MYEF2: variants seen among roughly 807,000 people sequenced by gnomAD.
MYEF2 encodes myelin expression factor 2.
MYEF2 carries 37 observed loss-of-function variants against 75.2 expected under a neutral mutation model. That is an observed-to-expected ratio of 0.49 (90% CI 0.38 to 0.65). MYEF2 has a LOEUF of 0.65. Ranked by LOEUF, MYEF2 falls within the 30% of genes least tolerant of loss-of-function variation. MYEF2 has a pLI of 0.00. For synonymous variants in MYEF2, 195 were observed against 241.6 expected (o/e 0.81, Z 1.79); for missense variants, 634 against 771.4 (o/e 0.82, Z 2.11).
chr15:48,143,342 G>A (rs1258033748), intron 16 of MYEF2, among the ~76,000 whole-genome samples: 1 of 151,958 alleles, frequency 6.6e-6, no homozygotes, highest in Non-Finnish European at 1.5e-5. Flanking sequence ...TAATTCCTGA[G>A]GTTAATTTTA....
intron 9 of MYEF2, among the ~76,000 whole-genome samples, chr15:48,155,172 AC>A (rs1163288095): frequency 6.6e-6 from 1 of 152,070 alleles, no homozygotes; most frequent in East Asian, 1.9e-4. Context: ...CAGCAATAAC[AC>A]CCTTTATAAG....
At chr15:48,165,063 C>T (rs2040086898) in intron 5 of MYEF2, among the ~76,000 whole-genome samples, 1 of 152,078 alleles carries the variant, frequency 6.6e-6, no homozygotes, top group Admixed American at 6.6e-5. Context: ...CATGTCTAGA[C>T]ACCCACTAGA....
In MYEF2 at chr15:48,140,913, C is replaced by T. The variant is rs1771767076; in HGVS notation, c.*1995G>A. The T allele has an allele frequency of 2.2e-6, 1 of 455,174 alleles. No homozygotes were observed. The highest frequency in any genetic ancestry group is 2.0e-5 in the African/African-American group (1 of 50,272). 28.2% of individuals were successfully genotyped at this position (455,174 alleles called of 1,614,324 possible). A position where few individuals can be genotyped will look rare whatever the true frequency, so the allele number is the denominator to read the frequency against. On this transcript the variant is annotated 3_prime_UTR_variant, in exon 17 of 17. Transcript: ENST00000324324. ...TATCTTTAGATATGTCATTAAAAAT[C>T]TGTGCTACCTGGGTTACCCGAATTA...
rs2038980522 is a variant in MYEF2 at position 48,139,199 on chromosome 15, A to G, written c.*3709T>C. ...TGGTATGTATTTTAAGTACAATAGC[A>G]CAACTTGAAAATATTCATATAAGAA... On this transcript the variant is annotated 3_prime_UTR_variant, in exon 17 of 17. Coordinates refer to ENST00000324324, the MANE Select transcript of MYEF2 (RefSeq NM_016132.5). 1 of 1,562,262 alleles carries G rather than the reference A, an allele frequency of 6.4e-7. No homozygotes were observed. Among genetic ancestry groups the G allele is most frequent in the South Asian group, 1.1e-5 (1 of 89,202 alleles).
At position 48,151,094 on chromosome 15, in the gene MYEF2, A is replaced by G; in HGVS notation, c.1378+6T>C. 1 of 1,590,118 alleles carries G rather than the reference A, an allele frequency of 6.3e-7. No individual in the cohort carries two copies. Among genetic ancestry groups the G allele is most frequent in the Non-Finnish European group, 8.6e-7 (1 of 1,167,096 alleles). ...CTGAATAAATTCTAGTAAAATTTAA[A>G]CCTACTTATTCCAGATCCTACTGGA... On this transcript the variant is annotated splice_donor_region_variant and intron_variant, in intron 14 of 16. Coordinates refer to ENST00000324324, the MANE Select transcript of MYEF2 (RefSeq NM_016132.5).
chr15:48,176,219 TAAAAAAAAAAA>T (rs1023560411), intron 1 of MYEF2, among the ~76,000 whole-genome samples: 66 of 63,142 alleles, frequency 1.0e-3, no homozygotes, highest in African/African-American at 3.3e-3. Context: ...GTTCACGAAG[TAAAAAAAAAAA>T]AAAAAAAAAA....
rs1426326872 is a variant in MYEF2, at chr15:48,136,248, A to G, written c.*6660T>C. 6.6e-6 allele frequency: 1 copy of G among 152,484 alleles called. No individual in the cohort carries two copies. Among genetic ancestry groups the G allele is most frequent in the African/African-American group, 2.4e-5 (1 of 41,454 alleles). 9.4% of individuals were successfully genotyped at this position (152,484 alleles called of 1,614,324 possible). Reference sequence around the variant, plus strand: ...AGTTCCTATACCAGAAAACTTGGACAGTTGAAATAACTTAACAGTTACTAT... The same window carrying G: ...AGTTCCTATACCAGAAAACTTGGACGGTTGAAATAACTTAACAGTTACTAT... On this transcript the variant is annotated 3_prime_UTR_variant, in exon 17 of 17. Transcript: ENST00000324324.
At chr15:48,176,844 A>G (rs2040543931) in intron 1 of MYEF2, among the ~76,000 whole-genome samples, 1 of 152,178 alleles carries the variant, frequency 6.6e-6, no homozygotes, top group South Asian at 2.1e-4. Context: ...TTCATCCAGG[A>G]ATAAACTCCA....
intron 1 of MYEF2, among the ~76,000 whole-genome samples, chr15:48,177,383 A>G (rs567670475): frequency 1.3e-5 from 2 of 151,812 alleles, no homozygotes; most frequent in East Asian, 3.9e-4. Context: ...TAAGATAATC[A>G]TACACTGAGT....
chr15:48,151,296 C>G, intron 13 of MYEF2, 125 bp from the exon 14 acceptor site: 2 of 1,042,292 alleles, frequency 1.9e-6, no homozygotes, highest in East Asian at 4.9e-5. Context: ...AAATAGAGTT[C>G]AAATATGTAA....
chr15:48,151,535 C>A lies in MYEF2; in HGVS notation c.1244G>T (p.Arg415Leu). Residue 415 changes from arginine (R) to leucine (L), a missense_variant, in exon 13 of 17, where the codon CGA (arginine) becomes CTA (leucine). Transcript: ENST00000324324. ...TCCAATATCACCACGTCCAAAATCT[C>A]GCTCCATGCTACTAGTCATCGCACC... is the stretch of plus-strand genomic sequence containing the variant. ...YRGAMTSSMERDFGRGDIGIN... is the reference protein window; with the variant it reads ...YRGAMTSSMELDFGRGDIGIN... 1 of 1,612,878 alleles carries A rather than the reference C, an allele frequency of 6.2e-7. No homozygotes were observed. The highest frequency in any genetic ancestry group is 8.5e-7 in the Non-Finnish European group (1 of 1,179,242).
At chr15:48,146,823 A>G (rs2140813561) in intron 16 of MYEF2, among the ~76,000 whole-genome samples, 1 of 152,046 alleles carries the variant, frequency 6.6e-6, no homozygotes, top group East Asian at 1.9e-4. Context: ...TAAATAAGTG[A>G]CATGGCAGAA....
rs1414335672 is a variant in MYEF2, at chr15:48,139,281, A to C, written c.*3627T>G. The C allele has an allele frequency of 1.5e-5, 13 of 847,646 alleles. No homozygotes were observed. Among genetic ancestry groups the C allele is most frequent in the Non-Finnish European group, 2.4e-5 (13 of 536,638 alleles). 52.5% of individuals were successfully genotyped at this position (847,646 alleles called of 1,614,324 possible). ...GCTACACAGCAAATTTCTTTTCAGC[A>C]AGATTGAAGATTAGTACCATTTACA... is the stretch of plus-strand genomic sequence containing the variant. On this transcript the variant is annotated 3_prime_UTR_variant, in exon 17 of 17. Coordinates refer to ENST00000324324, the MANE Select transcript of MYEF2 (RefSeq NM_016132.5).
intron 1 of MYEF2, among the ~76,000 whole-genome samples, chr15:48,171,925 C>T (rs1293404239): frequency 2.0e-5 from 3 of 152,008 alleles, no homozygotes; most frequent in South Asian, 2.1e-4. Context: ...TTGAACTATG[C>T]GTATCTAAAT....
chr15:48,177,054 C>T (rs949154637), intron 1 of MYEF2, among the ~76,000 whole-genome samples: 3 of 152,204 alleles, frequency 2.0e-5, no homozygotes, highest in Admixed American at 1.3e-4. Flanking sequence ...AAAGACCTTT[C>T]CCTTGTCTAT....
In MYEF2 at chr15:48,139,025, T is replaced by C. The variant is rs758500889; in HGVS notation, c.*3883A>G. ...AGACTTAAAAAGAATTTTTTGGGTA[T>C]TATCCCTTCCTATTATTACATTACT... On this transcript the variant is annotated 3_prime_UTR_variant, in exon 17 of 17. Transcript: ENST00000324324. 8.7e-6 allele frequency: 14 copies of C among 1,613,156 alleles called. No homozygotes were observed. The highest frequency in any genetic ancestry group is 1.7e-4 in the Middle Eastern group (1 of 6,054).
chr15:48,134,968 G>A lies in MYEF2; in HGVS notation c.*7940C>T, dbSNP rs2038860783. On this transcript the variant is annotated 3_prime_UTR_variant, in exon 17 of 17. Coordinates refer to ENST00000324324, the MANE Select transcript of MYEF2 (RefSeq NM_016132.5). The stretch of plus-strand genomic sequence containing the variant: ...AGCAGCAGTTCTTGGTATAATATAT[G>A]ACAACCAAGTTTACTGGTAAGCTTG... 3 of 1,608,402 alleles carry A rather than the reference G, an allele frequency of 1.9e-6. No individual in the cohort carries two copies. The highest frequency in any genetic ancestry group is 2.6e-6 in the Non-Finnish European group (3 of 1,175,782).
intron 1 of MYEF2, 108 bp from the exon 2 acceptor site, chr15:48,168,947 A>G: frequency 1.2e-6 from 1 of 834,718 alleles, no homozygotes; most frequent in Non-Finnish European, 1.8e-6. Flanking sequence ...AAAACTCTCC[A>G]CTAAGCTAGA....
Position 48,149,206 on chromosome 15 carries a change from C to G in MYEF2, c.1544G>C (p.Arg515Thr). The change falls in exon 15 of 17, where the codon AGA (arginine) becomes ACA (threonine). Residue 515 changes from arginine (R) to threonine (T), a missense_variant. Physicochemically the swap from Arg to Thr is moderately conservative, Grantham distance 71 (BLOSUM62 -1). Transcript: ENST00000324324. The surrounding 1 kb of genome is among the most constrained non-coding windows in gnomAD (Gnocchi z 4.0). ...FLSGPMGSGMRERIGSKGNQI... is the reference protein window; with the variant it reads ...FLSGPMGSGMTERIGSKGNQI... ...GTTGCCTTTGGAGCCTATTCTCTCT[C>G]TCATTCCGCTTCCCATTGGACCCGA... 1 of 1,613,428 alleles carries G rather than the reference C, an allele frequency of 6.2e-7. No homozygotes were observed. The highest frequency in any genetic ancestry group is 8.5e-7 in the Non-Finnish European group (1 of 1,179,490).
Sources: gnomAD v4.1 joint callset for allele counts (sites outside exome capture counted in the v4.1 genomes callset) on GRCh38, gnomAD v4.1.1 for gene constraint, Gnocchi (gnomAD v3.1) non-coding constraint, MANE v1.5 for transcripts, NCBI Gene and HGNC (gene_info 2026-07-23, HGNC 2026-07-21) for gene names.